FHAD1: variants seen among roughly 807,000 people sequenced by gnomAD.
The protein encoded by FHAD1 is forkhead associated phosphopeptide binding domain 1, also known as forkhead-associated domain-containing protein 1.
FHAD1 carries 146 observed loss-of-function variants against 191.3 expected under a neutral mutation model. The observed-to-expected ratio is 0.76, with a 90% CI of 0.67 to 0.88. The LOEUF is 0.88. Ranked by LOEUF, FHAD1 falls within the 40% of genes least tolerant of loss-of-function variation. The pLI, the probability that FHAD1 is intolerant of heterozygous loss-of-function variation, is 0.00. For missense variants in FHAD1, 1,635 were observed against 1,785.8 expected (o/e 0.92, Z 1.52); for synonymous variants, 616 against 672.3 (o/e 0.92, Z 1.29).
chr1:15,271,681 T>A (rs1042026386), intron 2 of FHAD1, among the ~76,000 whole-genome samples: 7 of 152,098 alleles, frequency 4.6e-5, no homozygotes, highest in African/African-American at 1.7e-4. Flanking sequence ...ACTATGTATG[T>A]AGGGTGTGAT....
chr1:15,265,434 A>G (rs567946512), intron 2 of FHAD1, among the ~76,000 whole-genome samples: 1 of 152,300 alleles, frequency 6.6e-6, no homozygotes, highest in South Asian at 2.1e-4. Flanking sequence ...GCTTTCTACT[A>G]ACATCAGTTT....
chr1:15,291,599 A>T (rs1013334872), intron 4 of FHAD1, among the ~76,000 whole-genome samples: 3 of 152,174 alleles, frequency 2.0e-5, no homozygotes, highest in African/African-American at 7.2e-5. Flanking sequence ...ATAACCAATT[A>T]CCCTAACATA....
Position 15,358,096 on chromosome 1 carries a change from G to GT in FHAD1, c.2563-7dup, listed in dbSNP as rs1323901194. 13 of 1,493,538 alleles carry GT rather than the reference G, an allele frequency of 8.7e-6. No homozygotes were observed. In the East Asian group the frequency reaches 1.5e-4, roughly 17 times the overall value. 92.5% of individuals were successfully genotyped at this position (1,493,538 alleles called of 1,614,324 possible). ...CTGAATGTCTGTTATTTTGCTACTT[G>GT]TTTTTTTGTCTAGGAATTAGAATTA... On this transcript the variant is annotated splice_polypyrimidine_tract_variant and intron_variant, in intron 20 of 33. Transcript: ENST00000688493.
chr1:15,353,897 G>T (rs905256384), intron 20 of FHAD1, among the ~76,000 whole-genome samples: 9 of 152,046 alleles, frequency 5.9e-5, no homozygotes, highest in Non-Finnish European at 1.2e-4. Context: ...AATAGAAGTG[G>T]ATTTCGCACC....
intron 3 of FHAD1, 38 bp downstream of exon 3, chr1:15,272,567 G>A (rs778304960): frequency 2.8e-5 from 43 of 1,519,900 alleles, no homozygotes; most frequent in Admixed American, 2.6e-4. Flanking sequence ...GGGCCATGTC[G>A]CCTTCGTGCA....
At chr1:15,360,848 T>G in intron 22 of FHAD1, 145 bp downstream of exon 22, 1 of 710,542 alleles carries the variant, frequency 1.4e-6, no homozygotes, top group Non-Finnish European at 2.3e-6. Flanking sequence ...TTTGTTCTTG[T>G]TACACAACGA....
chr1:15,381,193 C>A lies in FHAD1; in HGVS notation c.3802-38C>A, dbSNP rs911606250. The stretch of plus-strand genomic sequence containing the variant: ...TCCTTAAAGCGGCCACCAGCGGCCG[C>A]GGGTAATGCCTCTTATGCGCGAACG... On this transcript the variant is annotated intron_variant, in intron 29 of 33. Transcript: ENST00000688493. The surrounding 1 kb of genome is among the most constrained non-coding windows in gnomAD (Gnocchi z 4.6). The A allele has an allele frequency of 1.4e-6, 2 of 1,448,346 alleles. No individual in the cohort carries two copies. The highest frequency in any genetic ancestry group is 1.9e-6 in the Non-Finnish European group (2 of 1,057,642). 89.7% of individuals were successfully genotyped at this position (1,448,346 alleles called of 1,614,324 possible). A position where few individuals can be genotyped will look rare whatever the true frequency, so the allele number is the denominator to read the frequency against.
chr1:15,248,760 G>A (rs1272254883), intron 1 of FHAD1, among the ~76,000 whole-genome samples: 6 of 151,946 alleles, frequency 3.9e-5, no homozygotes, highest in African/African-American at 1.5e-4. Context: ...TAATTTTTTT[G>A]TGTTTTTAGT....
chr1:15,259,323 C>T (rs570288976), intron 2 of FHAD1, among the ~76,000 whole-genome samples: 16 of 152,218 alleles, frequency 1.1e-4, no homozygotes, highest in South Asian at 6.2e-4. Flanking sequence ...CCCTATCAGG[C>T]GAGAACTACT....
intron 28 of FHAD1, 94 bp downstream of exon 28, chr1:15,375,824 T>C (rs907666048): frequency 1.9e-5 from 26 of 1,340,440 alleles, no homozygotes; most frequent in Non-Finnish European, 2.6e-5. Flanking sequence ...CAGCCATACA[T>C]GTCAGTGGTT....
chr1:15,362,213 G>A (rs1348732313), intron 22 of FHAD1, among the ~76,000 whole-genome samples: 1 of 152,224 alleles, frequency 6.6e-6, no homozygotes, highest in Non-Finnish European at 1.5e-5. Flanking sequence ...GTGAACATGT[G>A]ACTGAGTAGT....
chr1:15,373,572 G>T (rs184410277), intron 26 of FHAD1, among the ~76,000 whole-genome samples: 1 of 152,026 alleles, frequency 6.6e-6, no homozygotes, highest in Admixed American at 6.5e-5. Context: ...CCAACTCTAG[G>T]CTGGTTACAG....
intron 24 of FHAD1, among the ~76,000 whole-genome samples, chr1:15,366,137 T>G (rs1458885656): frequency 1.3e-5 from 2 of 151,846 alleles, no homozygotes; most frequent in Non-Finnish European, 2.9e-5. Flanking sequence ...AATACAAAAA[T>G]TAGCTGGGTG....
intron 12 of FHAD1, 198 bp from the exon 13 acceptor site, chr1:15,328,079 C>A: frequency 5.3e-6 from 2 of 373,886 alleles, no homozygotes; most frequent in Non-Finnish European, 9.6e-6. Flanking sequence ...ATCTCTGATT[C>A]TGGGACTCAT....
In FHAD1 at chr1:15,367,630, G is replaced by A; in HGVS notation, c.3314+8G>A. The A allele has an allele frequency of 1.3e-6, 2 of 1,540,842 alleles. No homozygotes were observed. The highest frequency in any genetic ancestry group is 1.7e-6 in the Non-Finnish European group (2 of 1,143,092). ...CCTTGAGGAGGCACTCAGGTTGGGTGGGCGGGGGCCGGGTTGGGGGGATGG... is the reference window on the plus strand; with the variant it reads ...CCTTGAGGAGGCACTCAGGTTGGGTAGGCGGGGGCCGGGTTGGGGGGATGG... On this transcript the variant is annotated splice_region_variant and intron_variant, in intron 25 of 33. Transcript: ENST00000688493.
intron 3 of FHAD1, among the ~76,000 whole-genome samples, chr1:15,284,698 A>C (rs1458736340): frequency 6.6e-6 from 1 of 152,074 alleles, no homozygotes; most frequent in Non-Finnish European, 1.5e-5. Context: ...CACAAGAAAC[A>C]AGGAGATCAT....
At chr1:15,257,639 C>T (rs1268771201) in intron 2 of FHAD1, among the ~76,000 whole-genome samples, 1 of 152,206 alleles carries the variant, frequency 6.6e-6, no homozygotes, top group East Asian at 1.9e-4. Flanking sequence ...CTTCTTTCCC[C>T]TGATGTCACT....
rs983356427 is a variant in FHAD1, at chr1:15,251,797, C to G, written c.13C>G (p.Leu5Val). 9.0e-6 allele frequency: 14 copies of G among 1,551,956 alleles called. No individual in the cohort carries two copies. In the East Asian group the frequency reaches 1.2e-4, roughly 14 times the overall value. Residue 5 changes from leucine to valine, a missense_variant, in exon 2 of 34, where the codon CTA becomes GTA. By Grantham distance (32) the Leu-to-Val change is conservative (BLOSUM62 1). Coordinates refer to ENST00000688493, the MANE Select transcript of FHAD1 (RefSeq NM_001391957.1). ...GAAAACAGAGAGGATGAAGGCCTAT[C>G]TAAAGAGCGCAGAAGGCTTTTTTGT... MKAY[L>V]KSAEGFFVLN...
chr1:15,368,534 T>C (rs1273376619), intron 25 of FHAD1, among the ~76,000 whole-genome samples: 2 of 152,226 alleles, frequency 1.3e-5, no homozygotes, highest in Non-Finnish European at 2.9e-5. Context: ...AAAAAGAGTT[T>C]GACTGAAATT....
Sources: gnomAD v4.1 joint callset for allele counts (sites outside exome capture counted in the v4.1 genomes callset) on GRCh38, gnomAD v4.1.1 for gene constraint, Gnocchi (gnomAD v3.1) non-coding constraint, MANE v1.5 for transcripts, NCBI Gene and HGNC (gene_info 2026-07-23, HGNC 2026-07-21) for gene names.